MOV10L1: variants seen among roughly 807,000 people sequenced by gnomAD.
The protein encoded by MOV10L1 is Mov10 like RNA helicase 1.
Under a neutral mutation model 143.8 loss-of-function variants are expected in MOV10L1, and 110 were observed. The observed-to-expected ratio is 0.76, with a 90% CI of 0.66 to 0.90. MOV10L1 has a LOEUF of 0.90. Among genes scored for constraint, MOV10L1 ranks in the 40% least tolerant of loss-of-function variants. The probability of loss-of-function intolerance (pLI) is 0.00; values close to 1 mark genes in which losing one functional copy is unlikely to be tolerated. For synonymous variants in MOV10L1, 593 were observed against 581.1 expected (o/e 1.02, Z -0.29); for missense variants, 1,406 against 1,526.8 (o/e 0.92, Z 1.32).
chr22:50,126,616 G>C (rs972992232), intron 12 of MOV10L1, among the ~76,000 whole-genome samples: 1 of 152,180 alleles, frequency 6.6e-6, no homozygotes. Context: ...TGATGTTTGC[G>C]TGAAGGTGGT....
At chr22:50,113,246 T>C (rs545679121) in intron 5 of MOV10L1, among the ~76,000 whole-genome samples, 2 of 152,286 alleles carry the variant, frequency 1.3e-5, no homozygotes, top group Admixed American at 6.5e-5. Flanking sequence ...CAAAACTCTT[T>C]CCAAAGCAAG....
intron 16 of MOV10L1, 102 bp from the exon 17 acceptor site, chr22:50,142,941 G>A (rs2063032886): frequency 1.9e-6 from 2 of 1,066,520 alleles, no homozygotes; most frequent in Admixed American, 4.1e-5. Context: ...CTCTGATTTA[G>A]CCTTTGCACA....
rs1367049873 is a variant in MOV10L1 at position 50,159,203 on chromosome 22, C to A, written c.3217-475C>A. On this transcript the variant is annotated intron_variant, in intron 23 of 26. Coordinates refer to ENST00000262794, the MANE Select transcript of MOV10L1 (RefSeq NM_018995.3). This position sits in a 1 kb window ranked among gnomAD's most constrained non-coding sequence, Gnocchi z 4.1. Reference sequence around the variant, plus strand: ...CCCGTCCCCAGTTTAACTAAAACTGCAATTTGTGTTCTAATCAATTCAGAT... The same window carrying A: ...CCCGTCCCCAGTTTAACTAAAACTGAAATTTGTGTTCTAATCAATTCAGAT... 1 of 152,208 alleles carries A rather than the reference C, an allele frequency of 6.6e-6. No homozygotes were observed. The highest frequency in any genetic ancestry group is 1.5e-5 in the Non-Finnish European group (1 of 68,076). The allele number at this position is 152,208 out of a possible 1,614,324, so 9.4% of individuals were successfully genotyped here.
At chr22:50,127,152 G>A (rs534524372) in intron 12 of MOV10L1, among the ~76,000 whole-genome samples, 210 of 152,200 alleles carry the variant, frequency 1.4e-3, no homozygotes, top group Non-Finnish European at 2.6e-3. Flanking sequence ...CAAGATGGCC[G>A]AATGACCATC....
At chr22:50,113,563 C>T in intron 5 of MOV10L1, 85 bp from the exon 6 acceptor site, 1 of 1,530,834 alleles carries the variant, frequency 6.5e-7, no homozygotes, top group Non-Finnish European at 8.8e-7. Context: ...GTGCCCCCAC[C>T]AGCAGTCTAT....
chr22:50,101,212 T>C (rs2061735889), intron 3 of MOV10L1, among the ~76,000 whole-genome samples: 1 of 152,086 alleles, frequency 6.6e-6, no homozygotes, highest in South Asian at 2.1e-4. Flanking sequence ...TTTATGTGTA[T>C]GTGTGTTTTT....
At chr22:50,115,473 A>T (rs2062147413) in intron 8 of MOV10L1, among the ~76,000 whole-genome samples, 1 of 152,144 alleles carries the variant, frequency 6.6e-6, no homozygotes, top group African/African-American at 2.4e-5. Flanking sequence ...GAATCGCTTA[A>T]ATCCAGGTGA....
chr22:50,136,021 C>T (rs1328571015), intron 15 of MOV10L1, among the ~76,000 whole-genome samples: 1 of 152,118 alleles, frequency 6.6e-6, no homozygotes, highest in Non-Finnish European at 1.5e-5. Flanking sequence ...CTCAAAAATG[C>T]TCACCATTTT....
At position 50,134,016 on chromosome 22, in the gene MOV10L1, C is replaced by T. The variant is rs1344852473; in HGVS notation, c.1920C>T (p.Ser640=). The T allele has an allele frequency of 1.9e-6, 3 of 1,611,592 alleles. No individual in the cohort carries two copies. The highest frequency in any genetic ancestry group is 1.1e-5 in the South Asian group (1 of 90,460). ...GTTTTCTTTCCTGCAGGACCACAAG[C>T]AGACGGTGTCACTTTGCACTTGAAC... ...DVEFTYNRTT[S]RRCHFALEHV... is the part of the protein sequence containing the mutation. Residue 640 remains serine (S), a synonymous_variant, in exon 14 of 27, where the codon AGC becomes AGT. Transcript: ENST00000262794.
At chr22:50,134,240 G>C (rs2147282533) in intron 14 of MOV10L1, among the ~76,000 whole-genome samples, 175 bp downstream of exon 14, 1 of 152,184 alleles carries the variant, frequency 6.6e-6, no homozygotes, top group South Asian at 2.1e-4. Context: ...TTTCAACTTA[G>C]TGAATAACTA....
chr22:50,109,739 G>A, intron 5 of MOV10L1: 1 of 173,258 alleles, frequency 5.8e-6, no homozygotes, highest in Non-Finnish European at 1.3e-5. Flanking sequence ...CTACACACGA[G>A]GTTGAAGCAG....
At chr22:50,160,186 C>A (rs1457338555) in intron 24 of MOV10L1, among the ~76,000 whole-genome samples, 1 of 151,786 alleles carries the variant, frequency 6.6e-6, no homozygotes, top group Non-Finnish European at 1.5e-5. Context: ...TGAGACCCAC[C>A]CCTTTCTGCT....
chr22:50,158,346 C>T lies in MOV10L1; in HGVS notation c.3216+140C>T, dbSNP rs1253989574. 9 of 1,062,352 alleles carry T rather than the reference C, an allele frequency of 8.5e-6. No individual in the cohort carries two copies. Among genetic ancestry groups the T allele is most frequent in the South Asian group, 5.1e-5 (3 of 58,824 alleles). The allele number at this position is 1,062,352 out of a possible 1,614,324, so 65.8% of individuals were successfully genotyped here. A position where few individuals can be genotyped will look rare whatever the true frequency, so the allele number is the denominator to read the frequency against. On this transcript the variant is annotated intron_variant, in intron 23 of 26. Transcript: ENST00000262794. This position sits in a 1 kb window ranked among gnomAD's most constrained non-coding sequence, Gnocchi z 5.0. ...AAGGGGCAGGACCGCACTTGAATGT[C>T]GTTCAACATGAGAGGTCACCCAACT...
At chr22:50,127,519 G>A (rs544415913) in intron 12 of MOV10L1, among the ~76,000 whole-genome samples, 8 of 152,184 alleles carry the variant, frequency 5.3e-5, no homozygotes, top group African/African-American at 9.6e-5. Context: ...CCTTCCTCCC[G>A]GAGCTGGAAG....
At position 50,117,592 on chromosome 22, in the gene MOV10L1, G is replaced by A. The variant is rs2056099657; in HGVS notation, c.1454+241G>A. ...AGCAGCGTGAAGCCCAAGGAAGACG[G>A]CCTTCACTCCCCCAAGCCCCACTCT... On this transcript the variant is annotated intron_variant, in intron 9 of 26. Coordinates refer to ENST00000262794, the MANE Select transcript of MOV10L1 (RefSeq NM_018995.3). Among the ~76,000 whole-genome samples the A allele has an allele frequency of 2.6e-5, 4 of 152,272 alleles. No individual in the cohort carries two copies. In the South Asian group the frequency reaches 8.3e-4, roughly 32 times the overall value.
At chr22:50,105,038 T>C (rs1035475195) in intron 3 of MOV10L1, among the ~76,000 whole-genome samples, 3 of 152,050 alleles carry the variant, frequency 2.0e-5, no homozygotes, top group Non-Finnish European at 4.4e-5. Context: ...ACTACATACA[T>C]GCACTTCCAT....
At chr22:50,128,538 GTCT>G (rs749652880) in intron 13 of MOV10L1, 31 bp downstream of exon 13, 11 of 596,924 alleles carry the variant, frequency 1.8e-5, no homozygotes, top group Admixed American at 3.4e-5. Flanking sequence ...TCTTTCAAAT[GTCT>G]TTTTTTTTTT....
chr22:50,108,600 T>C, intron 4 of MOV10L1, 57 bp from the exon 5 acceptor site: 1 of 1,588,202 alleles, frequency 6.3e-7, no homozygotes, highest in Non-Finnish European at 8.6e-7. Flanking sequence ...GTGTTAGAGC[T>C]GCGCCCTGTC....
At chr22:50,107,470 C>T (rs1055094650) in intron 3 of MOV10L1, among the ~76,000 whole-genome samples, 1 of 152,148 alleles carries the variant, frequency 6.6e-6, no homozygotes, top group African/African-American at 2.4e-5. Flanking sequence ...GAGACACAAA[C>T]TCAGTATTCA....
Sources: allele counts gnomAD v4.1 joint callset (sites outside exome capture counted in the v4.1 genomes callset), GRCh38; gene constraint gnomAD v4.1.1; non-coding constraint Gnocchi (gnomAD v3.1); transcripts MANE v1.5; gene names NCBI Gene and HGNC (gene_info 2026-07-23, HGNC 2026-07-21).